The following CTNND1 variants were observed in gnomAD, a reference collection of about 807,000 sequenced individuals.
CTNND1 encodes catenin delta 1.
A neutral mutation model predicts 112.1 loss-of-function variants in CTNND1; 16 were observed. The observed-to-expected ratio is 0.14, with a 90% confidence interval of 0.10 to 0.22. CTNND1 has a LOEUF of 0.22. CTNND1 is among the 10% of genes least tolerant of loss of function. The pLI is 1.00. For missense variants in CTNND1, 1,008 were observed against 1,257.0 expected (o/e 0.80, Z 3.00); for synonymous variants, 420 against 446.5 (o/e 0.94, Z 0.75).
chr11:57,800,532 T>C (rs923902703), intron 6 of CTNND1, among the ~76,000 whole-genome samples: 2 of 152,180 alleles, frequency 1.3e-5, no homozygotes, highest in Non-Finnish European at 2.9e-5. Flanking sequence ...CCTCCCAAAG[T>C]GCTGGGATTA....
In CTNND1 at chr11:57,794,037, C is replaced by G; in HGVS notation, c.223C>G (p.Leu75Val). 6.2e-7 allele frequency: 1 copy of G among 1,613,972 alleles called. No individual in the cohort carries two copies. Among genetic ancestry groups the G allele is most frequent in the Non-Finnish European group, 8.5e-7 (1 of 1,179,894 alleles). Residue 75 changes from leucine (L) to valine (V), a missense_variant, in exon 4 of 21, where the codon CTT becomes GTT. Transcript: ENST00000399050. ...CGGCCGGTTTGTGGGCGATGCTGAC[C>G]TTGAAAGACAGAAATTTTCAGATTT... ...QNGRFVGDAD[L>V]ERQKFSDLKL...
At chr11:57,768,925 A>T (rs1220198063) in intron 1 of CTNND1, among the ~76,000 whole-genome samples, 1 of 151,940 alleles carries the variant, frequency 6.6e-6, no homozygotes, top group Non-Finnish European at 1.5e-5. Flanking sequence ...CCTTTTCTTC[A>T]TACTTAAGAA....
rs2060753166 is a variant in CTNND1 at position 57,791,599 on chromosome 11, C to T, written c.121C>T (p.Leu41=). The T allele has an allele frequency of 6.2e-7, 1 of 1,611,100 alleles. No homozygotes were observed. ...EEERRHVSAQ[L]ERVRVSPQDA... ...GGAACGGCGCCACGTCTCGGCGCAG[C>T]TGGAACGCGTCCGGGTCTCACCACA... is the stretch of plus-strand genomic sequence containing the variant. Residue 41 remains leucine, a synonymous_variant, in exon 3 of 21, where the codon CTG becomes TTG. Coordinates refer to ENST00000399050, the MANE Select transcript of CTNND1 (RefSeq NM_001085458.2).
intron 12 of CTNND1, 103 bp from the exon 13 acceptor site, chr11:57,808,062 A>G (rs1432573348): frequency 5.5e-6 from 7 of 1,280,472 alleles, no homozygotes; most frequent in Non-Finnish European, 7.5e-6. Context: ...GTATAGAAGC[A>G]TAAATCCATC....
In CTNND1 at chr11:57,806,977, G is replaced by C; in HGVS notation, c.1957G>C (p.Ala653Pro). 6.3e-7 allele frequency: 1 copy of C among 1,596,264 alleles called. No individual in the cohort carries two copies. The highest frequency in any genetic ancestry group is 8.5e-7 in the Non-Finnish European group (1 of 1,170,762). Residue 653 changes from alanine to proline, a missense_variant, in exon 12 of 21, where the codon GCT becomes CCT. By Grantham distance (27) the Ala-to-Pro change is conservative. Around this residue, in one of 5 missense-constraint regions of CTNND1, gnomAD observed 254 missense variants for 279.5 expected, o/e 0.91. Coordinates refer to ENST00000399050, the MANE Select transcript of CTNND1 (RefSeq NM_001085458.2). The part of the protein sequence containing the change: ...TVDFPKRTSP[A>P]RGYELLFQPE... Reference sequence around the variant, plus strand: ...GGATTTCCCTAAAAGAACGAGTCCAGCTCGAGGTAAGTTATCTTCTCAGTC... The same window carrying C: ...GGATTTCCCTAAAAGAACGAGTCCACCTCGAGGTAAGTTATCTTCTCAGTC...
At chr11:57,787,455 A>C (rs2060253321) in intron 1 of CTNND1, among the ~76,000 whole-genome samples, 1 of 152,230 alleles carries the variant, frequency 6.6e-6, no homozygotes, top group Non-Finnish European at 1.5e-5. Context: ...TTTTGAAACA[A>C]CTTAATACCT....
intron 1 of CTNND1, among the ~76,000 whole-genome samples, chr11:57,774,841 G>A (rs1447405438): frequency 3.3e-5 from 5 of 152,062 alleles, no homozygotes; most frequent in African/African-American, 1.2e-4. Context: ...AGCCTCCTGA[G>A]TAGCTGGGAT....
rs748635215 is a variant in CTNND1 at position 57,806,068 on chromosome 11, T to C, written c.1876+33T>C. The C allele has an allele frequency of 5.7e-6, 9 of 1,592,712 alleles. No individual in the cohort carries two copies. The East Asian group carries it at 2.0e-4, about 36-fold the overall frequency. ...TTGGTTCCTGTTTCTTAGTCTTTAA[T>C]GTGGGATAGGGAAAGGAAGGAACAC... On this transcript the variant is annotated intron_variant, in intron 10 of 20. Transcript: ENST00000399050.
intron 1 of CTNND1, among the ~76,000 whole-genome samples, chr11:57,776,302 C>G (rs939865159): frequency 6.6e-6 from 1 of 152,088 alleles, no homozygotes; most frequent in African/African-American, 2.4e-5. Context: ...ATCTCAATTA[C>G]TCTTCAGAGT....
At chr11:57,793,945 G>T (rs11570192) in intron 3 of CTNND1, 65 bp from the exon 4 acceptor site, 2 of 1,527,974 alleles carry the variant, frequency 1.3e-6, no homozygotes, top group African/African-American at 2.7e-5. Flanking sequence ...AAAAAAGATC[G>T]TTTGTATTTG....
At chr11:57,765,079 CGTT>C (rs1256295728) in intron 1 of CTNND1, among the ~76,000 whole-genome samples, 1 of 152,136 alleles carries the variant, frequency 6.6e-6, no homozygotes, top group Non-Finnish European at 1.5e-5. Flanking sequence ...TTGTGTCACA[CGTT>C]GTTTATCAGT....
At chr11:57,778,640 T>G (rs1019883099) in intron 1 of CTNND1, among the ~76,000 whole-genome samples, 22 of 152,180 alleles carry the variant, frequency 1.4e-4, no homozygotes, top group Non-Finnish European at 2.4e-4. Context: ...CAGGGCAAAG[T>G]GGGGGCTCTG....
chr11:57,780,505 T>C (rs957448218), intron 1 of CTNND1, among the ~76,000 whole-genome samples: 3 of 152,204 alleles, frequency 2.0e-5, no homozygotes, highest in African/African-American at 7.2e-5. Flanking sequence ...TTCTGGTATA[T>C]AGGTAGTATA....
intron 17 of CTNND1, chr11:57,814,048 CTCA>C: frequency 2.7e-6 from 1 of 375,794 alleles, no homozygotes; most frequent in Non-Finnish European, 4.9e-6. Flanking sequence ...GGTGTGATGG[CTCA>C]CACCTGTAAT....
At chr11:57,814,034 GC>G in intron 17 of CTNND1, 2 of 319,964 alleles carry the variant, frequency 6.3e-6, no homozygotes, top group South Asian at 5.0e-5. Flanking sequence ...GTCTGTAGGG[GC>G]CAGGTGTGAT....
At chr11:57,771,261 C>G (rs1057469234) in intron 1 of CTNND1, among the ~76,000 whole-genome samples, 2 of 152,038 alleles carry the variant, frequency 1.3e-5, no homozygotes, top group Non-Finnish European at 2.9e-5. Flanking sequence ...CAAAATAGAC[C>G]TACTGTTTGT....
chr11:57,807,115 T>G lies in CTNND1; in HGVS notation c.1963+132T>G. The G allele has an allele frequency of 3.9e-6, 3 of 776,072 alleles. No individual in the cohort carries two copies. In the South Asian group the frequency reaches 5.2e-5, roughly 13 times the overall value. 48.1% of individuals were successfully genotyped at this position (776,072 alleles called of 1,614,324 possible). A position where few individuals can be genotyped will look rare whatever the true frequency, so the allele number is the denominator to read the frequency against. On this transcript the variant is annotated intron_variant, in intron 12 of 20. Coordinates refer to ENST00000399050, the MANE Select transcript of CTNND1 (RefSeq NM_001085458.2). The stretch of plus-strand genomic sequence containing the variant: ...TTCCAACTTACAGATTTGAAATGAT[T>G]GTGAAAGTATTGGGAAGCTGCATAG...
chr11:57,794,328 C>T (rs1427124936), intron 4 of CTNND1, among the ~76,000 whole-genome samples: 1 of 152,172 alleles, frequency 6.6e-6, no homozygotes, highest in Non-Finnish European at 1.5e-5. Context: ...CATTTGATCC[C>T]TAAGTACTGC....
intron 12 of CTNND1, among the ~76,000 whole-genome samples, chr11:57,807,767 C>T (rs576599307): frequency 3.3e-5 from 5 of 151,852 alleles, no homozygotes; most frequent in African/African-American, 7.3e-5. Context: ...TTGTAGTAAT[C>T]GCAGAGGTGG....
Sources: gnomAD v4.1 joint callset for allele counts (sites outside exome capture counted in the v4.1 genomes callset) on GRCh38, gnomAD v4.1.1 for gene constraint, gnomAD v4.1.1 regional missense constraint, MANE v1.5 for transcripts, NCBI Gene and HGNC (gene_info 2026-07-23, HGNC 2026-07-21) for gene names.